The following NOTCH2 variants were observed in gnomAD, a reference collection of about 807,000 sequenced individuals.
NOTCH2 encodes notch receptor 2.
NOTCH2 carries 29 observed loss-of-function variants against 235.8 expected under a neutral mutation model. The observed-to-expected ratio is 0.12, with a 90% confidence interval of 0.09 to 0.17. NOTCH2 has a LOEUF of 0.17. Among genes scored for constraint, NOTCH2 ranks in the 10% least tolerant of loss-of-function variants. The probability of loss-of-function intolerance (pLI) is 1.00; values close to 1 mark genes in which losing one functional copy is unlikely to be tolerated. For synonymous variants in NOTCH2, 1,086 were observed against 1,141.5 expected, an observed-to-expected ratio of 0.95 and a Z score of 0.98; for missense variants, 2,285 against 3,150.2, an observed-to-expected ratio of 0.73 and a Z score of 6.57.
intron 2 of NOTCH2, among the ~76,000 whole-genome samples, chr1:120,027,739 T>C (rs587605579): frequency 1.3e-5 from 2 of 151,588 alleles, no homozygotes; most frequent in Non-Finnish European, 2.9e-5. Context: ...TGGTTTTCTG[T>C]TCCTGTGTTA....
At position 120,048,013 on chromosome 1, in the gene NOTCH2, G is replaced by A. The variant is rs1333518213; in HGVS notation, c.74-18026C>T. Among the ~76,000 whole-genome samples the A allele has an allele frequency of 4.0e-5, 6 of 151,894 alleles. No homozygotes were observed. In the East Asian group the frequency reaches 1.2e-3, roughly 30 times the overall value. ...GAACTCCTGATCTCGTGATCCGCCT[G>A]CCTTGGCCTCCCAAAGTTCTGGGAT... On this transcript the variant is annotated intron_variant, in intron 1 of 33. Transcript: ENST00000256646.
chr1:119,932,038 CA>C (rs1184709274), intron 22 of NOTCH2, among the ~76,000 whole-genome samples: 6 of 145,280 alleles, frequency 4.1e-5, no homozygotes, highest in African/African-American at 1.5e-4. Flanking sequence ...AAAGAAACTG[CA>C]AAAAAAATCA....
intron 26 of NOTCH2, among the ~76,000 whole-genome samples, chr1:119,923,281 C>T (rs587727009): frequency 6.6e-6 from 1 of 152,170 alleles, no homozygotes; most frequent in South Asian, 2.1e-4. Flanking sequence ...TTACCTGTGT[C>T]AAAGAGACAT....
chr1:119,923,169 T>C (rs1359939221), intron 26 of NOTCH2, among the ~76,000 whole-genome samples: 5 of 152,208 alleles, frequency 3.3e-5, no homozygotes, highest in Admixed American at 1.3e-4. Flanking sequence ...AGTCCTTATT[T>C]TCCTTTGTCT....
intron 1 of NOTCH2, among the ~76,000 whole-genome samples, chr1:120,045,977 G>A (rs1226833074): frequency 6.6e-6 from 1 of 152,358 alleles, no homozygotes; most frequent in Middle Eastern, 3.4e-3. Flanking sequence ...TTTACTTAGA[G>A]TTAACATATG....
intron 5 of NOTCH2, among the ~76,000 whole-genome samples, chr1:119,986,153 G>A (rs1325472987): frequency 6.6e-6 from 1 of 152,148 alleles, no homozygotes; most frequent in Non-Finnish European, 1.5e-5. Context: ...TACTGGTACT[G>A]TAATTTTTTC....
chr1:119,974,807 C>G (rs1326342835), intron 5 of NOTCH2, among the ~76,000 whole-genome samples: 2 of 152,162 alleles, frequency 1.3e-5, no homozygotes, highest in Admixed American at 6.5e-5. Context: ...TCAATCCATC[C>G]TGGAATGTAT....
At chr1:119,949,791 T>C (rs1432638893) in intron 15 of NOTCH2, among the ~76,000 whole-genome samples, 2 of 152,302 alleles carry the variant, frequency 1.3e-5, no homozygotes, top group African/African-American at 4.8e-5. Context: ...AGAGTCACTA[T>C]TAACAGCTGC....
chr1:119,927,046 G>A (rs927549973), intron 23 of NOTCH2, among the ~76,000 whole-genome samples: 5 of 152,148 alleles, frequency 3.3e-5, no homozygotes, highest in South Asian at 2.1e-4. Flanking sequence ...GGTGATTTGC[G>A]GTATAGAGAA....
intron 1 of NOTCH2, among the ~76,000 whole-genome samples, chr1:120,058,354 A>T (rs1220391328): frequency 6.7e-6 from 1 of 150,004 alleles, no homozygotes; most frequent in Non-Finnish European, 1.5e-5. Context: ...AACTACAAAA[A>T]ATTAGCCAGG....
chr1:120,025,713 AACCAGCAGACAAAGATTTTAAAT>A (rs1653813708), intron 2 of NOTCH2, among the ~76,000 whole-genome samples: 1 of 101,988 alleles, frequency 9.8e-6, no homozygotes, highest in Admixed American at 1.0e-4. Flanking sequence ...AGATGTTAAG[AACCAGCAGACAAAGATTTTAAAT>A]AACTACAATA....
In NOTCH2 at chr1:119,946,601, C is replaced by T. The variant is rs587769794; in HGVS notation, c.2752+1813G>A. Reference sequence around the variant, plus strand: ...CAGATGTAGAGAAATCAATTGCACACCAAAAAATCAACATTCATTCATTAT... The same window carrying T: ...CAGATGTAGAGAAATCAATTGCACATCAAAAAATCAACATTCATTCATTAT... On this transcript the variant is annotated intron_variant, in intron 17 of 33. Coordinates refer to ENST00000256646, the MANE Select transcript of NOTCH2 (RefSeq NM_024408.4). Among the ~76,000 whole-genome samples the T allele has an allele frequency of 5.9e-5, 9 of 151,992 alleles. No individual in the cohort carries two copies. In the South Asian group the frequency reaches 1.5e-3, roughly 25 times the overall value.
intron 7 of NOTCH2, 101 bp from the exon 8 acceptor site, chr1:119,967,722 C>G: frequency 2.0e-6 from 2 of 1,011,812 alleles, no homozygotes; most frequent in Admixed American, 3.6e-5. Flanking sequence ...AGGGCCAGGC[C>G]TTCAATAATA....
At chr1:119,917,282 TCAAA>T (rs1366052516) in intron 33 of NOTCH2, among the ~76,000 whole-genome samples, 1 of 140,870 alleles carries the variant, frequency 7.1e-6, no homozygotes, top group African/African-American at 2.7e-5. Flanking sequence ...TGGAGAAAAA[TCAAA>T]CAGGAAAACA....
chr1:120,000,190 T>C (rs1228456917), intron 3 of NOTCH2, among the ~76,000 whole-genome samples: 2 of 151,954 alleles, frequency 1.3e-5, no homozygotes, highest in Non-Finnish European at 2.9e-5. Context: ...AGGATGACTT[T>C]GATCTGTGAT....
intron 2 of NOTCH2, among the ~76,000 whole-genome samples, chr1:120,026,260 CAGAT>C (rs1267869226): frequency 3.3e-5 from 5 of 150,694 alleles, no homozygotes; most frequent in African/African-American, 9.8e-5. Context: ...GCTGTCTAAA[CAGAT>C]AGTCAGATTC....
chr1:119,914,595 A>G lies in NOTCH2; in HGVS notation c.*711T>C, dbSNP rs1371523220. ...ATTCTTCTCCCCTTCTCTCTCCAGG[A>G]ATGATATATGCAGGAGAACACAATA... On this transcript the variant is annotated 3_prime_UTR_variant, in exon 34 of 34. Coordinates refer to ENST00000256646, the MANE Select transcript of NOTCH2 (RefSeq NM_024408.4). The G allele has an allele frequency of 4.3e-6, 1 of 233,980 alleles. No individual in the cohort carries two copies. Among genetic ancestry groups the G allele is most frequent in the Non-Finnish European group, 8.4e-6 (1 of 118,686 alleles). The allele number at this position is 233,980 out of a possible 1,614,324, so 14.5% of individuals were successfully genotyped here.
At chr1:119,987,634 T>C (rs1652070584) in intron 4 of NOTCH2, among the ~76,000 whole-genome samples, 1 of 152,184 alleles carries the variant, frequency 6.6e-6, no homozygotes, top group Admixed American at 6.6e-5. Context: ...TATTCGTACA[T>C]GGTAAGCTAA....
At chr1:120,047,850 C>T (rs587728665) in intron 1 of NOTCH2, among the ~76,000 whole-genome samples, 5 of 132,368 alleles carry the variant, frequency 3.8e-5, no homozygotes, top group East Asian at 4.4e-4. Flanking sequence ...TGGCAGCCTC[C>T]GCCTCCCAGG....
Sources: gnomAD v4.1 joint callset for allele counts (sites outside exome capture counted in the v4.1 genomes callset) on GRCh38, gnomAD v4.1.1 for gene constraint, MANE v1.5 for transcripts, NCBI Gene and HGNC (gene_info 2026-07-23, HGNC 2026-07-21) for gene names.